The following ADAMTS19 variants were observed in gnomAD, a reference collection of about 807,000 sequenced individuals.
ADAMTS19 encodes A disintegrin and metalloproteinase with thrombospondin motifs 19.
ADAMTS19 carries 93 observed loss-of-function variants against 153.3 expected under a neutral mutation model. That is an observed-to-expected ratio of 0.61 (90% CI 0.51 to 0.72). The LOEUF is 0.72. Among genes scored for constraint, ADAMTS19 ranks in the 30% least tolerant of loss-of-function variants. The pLI, the probability that ADAMTS19 is intolerant of heterozygous loss-of-function variation, is 0.00. For synonymous variants in ADAMTS19, 600 were observed against 556.6 expected (o/e 1.08, Z -1.10); for missense variants, 1,482 against 1,552.1 (o/e 0.95, Z 0.76).
chr5:129,671,452 A>C (rs1376191631), intron 16 of ADAMTS19, among the ~76,000 whole-genome samples: 1 of 152,212 alleles, frequency 6.6e-6, no homozygotes, highest in East Asian at 1.9e-4. Context: ...AAATAGATGC[A>C]TTTCATAAAT....
intron 2 of ADAMTS19, among the ~76,000 whole-genome samples, chr5:129,503,132 A>G (rs1751156905): frequency 6.6e-6 from 1 of 152,230 alleles, no homozygotes; most frequent in Non-Finnish European, 1.5e-5. Flanking sequence ...TGTTATTGTT[A>G]TATATGAAGT....
chr5:129,670,321 A>T (rs1754247932), intron 16 of ADAMTS19, among the ~76,000 whole-genome samples: 1 of 152,152 alleles, frequency 6.6e-6, no homozygotes, highest in South Asian at 2.1e-4. Flanking sequence ...CACACAGGAA[A>T]TTATAGACTT....
intron 3 of ADAMTS19, among the ~76,000 whole-genome samples, chr5:129,509,800 TC>T (rs762355516): frequency 3.3e-5 from 5 of 151,912 alleles, no homozygotes; most frequent in Non-Finnish European, 5.9e-5. Context: ...TCATAAACAT[TC>T]CCAACCATCA....
intron 14 of ADAMTS19, among the ~76,000 whole-genome samples, chr5:129,657,528 A>G (rs1753597531): frequency 6.6e-6 from 1 of 152,228 alleles, no homozygotes. Flanking sequence ...ATCAATGGGA[A>G]GTAAACATTA....
chr5:129,617,291 C>T (rs1581151174), intron 8 of ADAMTS19, among the ~76,000 whole-genome samples: 2 of 151,912 alleles, frequency 1.3e-5, no homozygotes, highest in South Asian at 2.1e-4. Context: ...AATCACCAGA[C>T]CTCCCCATGG....
intron 21 of ADAMTS19, among the ~76,000 whole-genome samples, chr5:129,710,858 C>A (rs1489476613): frequency 6.6e-6 from 1 of 152,146 alleles, no homozygotes; most frequent in African/African-American, 2.4e-5. Flanking sequence ...TGATCATGCA[C>A]CCCTGATGTC....
At chr5:129,708,223 A>T (rs1312812844) in intron 21 of ADAMTS19, among the ~76,000 whole-genome samples, 1 of 152,174 alleles carries the variant, frequency 6.6e-6, no homozygotes, top group Non-Finnish European at 1.5e-5. Context: ...TTGTTGAAAA[A>T]TGTTCACGTT....
intron 14 of ADAMTS19, among the ~76,000 whole-genome samples, chr5:129,654,635 T>C (rs187669613): frequency 1.8e-4 from 27 of 152,292 alleles, no homozygotes; most frequent in Non-Finnish European, 2.9e-4. Context: ...TTTGACTTGG[T>C]ACTCCATAAA....
In ADAMTS19 at chr5:129,704,833, T is replaced by C. The variant is rs574021187; in HGVS notation, c.3312+442T>C. On this transcript the variant is annotated intron_variant, in intron 21 of 22. Transcript: ENST00000274487. ...GTCATTTTCCCACCAATTTTGGGAG[T>C]TGTGTATGGTAGAAATGGAAAGGAA... 2.7e-5 allele frequency among the ~76,000 whole-genome samples: 4 copies of C among 150,558 alleles called. No homozygotes were observed. In the South Asian group the frequency reaches 6.3e-4, roughly 24 times the overall value.
chr5:129,693,463 C>A (rs1755422975), intron 18 of ADAMTS19, among the ~76,000 whole-genome samples: 1 of 152,142 alleles, frequency 6.6e-6, no homozygotes, highest in Non-Finnish European at 1.5e-5. Context: ...AGTGAACCAG[C>A]AGACTTGTGA....
At chr5:129,688,220 T>C (rs1755175644) in intron 18 of ADAMTS19, 1 of 152,176 alleles carries the variant, frequency 6.6e-6, no homozygotes, top group Non-Finnish European at 1.5e-5. Context: ...TGAGAGTAAG[T>C]TCAAAGCACA....
intron 2 of ADAMTS19, among the ~76,000 whole-genome samples, chr5:129,504,560 A>G (rs1314240328): frequency 1.3e-5 from 2 of 152,168 alleles, no homozygotes; most frequent in Non-Finnish European, 2.9e-5. Context: ...TATACAATGC[A>G]TCATTTTTAA....
At chr5:129,527,628 TTTTTTAA>T in intron 4 of ADAMTS19, 113 bp from the exon 5 acceptor site, 1 of 298,018 alleles carries the variant, frequency 3.4e-6, no homozygotes, top group Non-Finnish European at 6.3e-6. Flanking sequence ...TTTTTTTTTT[TTTTTTAA>T]AAAAAAAAAA....
At chr5:129,710,413 A>G (rs938078778) in intron 21 of ADAMTS19, among the ~76,000 whole-genome samples, 1 of 152,196 alleles carries the variant, frequency 6.6e-6, no homozygotes, top group African/African-American at 2.4e-5. Context: ...TGCTATTGTG[A>G]ATAGTGCTGA....
At chr5:129,622,448 AC>A in intron 10 of ADAMTS19, 100 bp downstream of exon 10, 1 of 1,289,722 alleles carries the variant, frequency 7.8e-7, no homozygotes, top group South Asian at 1.6e-5. Flanking sequence ...GATCAAAAGC[AC>A]CCCAATATAT....
At chr5:129,657,764 T>C (rs565047575) in intron 14 of ADAMTS19, among the ~76,000 whole-genome samples, 1 of 152,162 alleles carries the variant, frequency 6.6e-6, no homozygotes, top group Non-Finnish European at 1.5e-5. Context: ...CTATGTTCAG[T>C]TTTCCAGAAA....
intron 21 of ADAMTS19, among the ~76,000 whole-genome samples, chr5:129,720,028 A>T (rs1377155711): frequency 6.6e-6 from 1 of 151,942 alleles, no homozygotes; most frequent in African/African-American, 2.4e-5. Context: ...ACAGACGGAG[A>T]CTTCATCTTA....
chr5:129,466,855 T>A (rs923694274), intron 2 of ADAMTS19, among the ~76,000 whole-genome samples: 11 of 152,326 alleles, frequency 7.2e-5, no homozygotes, highest in Middle Eastern at 3.4e-3. Context: ...TTGCTCAGCA[T>A]ACACCAAAAG....
chr5:129,647,328 T>C (rs1269402169), intron 11 of ADAMTS19, among the ~76,000 whole-genome samples: 1 of 152,020 alleles, frequency 6.6e-6, no homozygotes, highest in Non-Finnish European at 1.5e-5. Context: ...CGAAAATTAC[T>C]AAATTTGCTA....
Sources: allele counts gnomAD v4.1 joint callset (sites outside exome capture counted in the v4.1 genomes callset), GRCh38; gene constraint gnomAD v4.1.1; transcripts MANE v1.5; gene names NCBI Gene and HGNC (gene_info 2026-07-23, HGNC 2026-07-21).